Variants in GPC5 observed in about 807,000 individuals in gnomAD.
GPC5 encodes glypican-5.
In GPC5, 47 loss-of-function variants were observed where a neutral mutation model predicts 53.9. The observed-to-expected ratio is 0.87, with a 90% CI of 0.69 to 1.11. GPC5 has a LOEUF of 1.11. GPC5 is among the 50% of genes most tolerant of loss of function. GPC5 has a pLI of 0.00. For missense variants in GPC5, 748 were observed against 713.1 expected (o/e 1.05, Z -0.56); for synonymous variants, 286 against 263.3 (o/e 1.09, Z -0.84).
intron 5 of GPC5, among the ~76,000 whole-genome samples, chr13:91,853,669 G>A (rs779431553): frequency 2.6e-5 from 4 of 151,938 alleles, no homozygotes; most frequent in Non-Finnish European, 5.9e-5. Flanking sequence ...CATTCATGAA[G>A]TTGACTTTGA....
At chr13:92,019,598 T>C (rs1012055770) in intron 6 of GPC5, among the ~76,000 whole-genome samples, 1 of 152,078 alleles carries the variant, frequency 6.6e-6, no homozygotes, top group Non-Finnish European at 1.5e-5. Flanking sequence ...TGGTCTAAAA[T>C]GTCCACTAGA....
intron 1 of GPC5, among the ~76,000 whole-genome samples, chr13:91,400,793 G>C (rs1876883199): frequency 6.6e-6 from 1 of 152,244 alleles, no homozygotes; most frequent in African/African-American, 2.4e-5. Flanking sequence ...TTGATTGGGT[G>C]TTCATCTCTT....
intron 7 of GPC5, among the ~76,000 whole-genome samples, chr13:92,785,694 A>T (rs963253612): frequency 1.3e-5 from 2 of 152,214 alleles, no homozygotes; most frequent in African/African-American, 4.8e-5. Flanking sequence ...CTATGTATCC[A>T]GGACAGCGTC....
chr13:92,526,867 T>C (rs1399872710), intron 7 of GPC5, among the ~76,000 whole-genome samples: 1 of 151,638 alleles, frequency 6.6e-6, no homozygotes, highest in Admixed American at 6.6e-5. Flanking sequence ...AGTATAACCT[T>C]AAACTGTTAG....
chr13:92,085,598 A>C (rs1289453386), intron 6 of GPC5, among the ~76,000 whole-genome samples: 2 of 152,076 alleles, frequency 1.3e-5, no homozygotes, highest in East Asian at 3.9e-4. Context: ...TGTGCACTTT[A>C]TTTCTATTAT....
At chr13:91,545,299 G>A (rs9523358) in intron 2 of GPC5, among the ~76,000 whole-genome samples, 67,137 of 152,014 alleles carry the variant, frequency 0.44, 18,134 homozygotes, top group East Asian at 0.7. Flanking sequence ...TTTAAAATTC[G>A]TTATTGAGAA....
chr13:92,273,983 C>A (rs1027077773), intron 7 of GPC5, among the ~76,000 whole-genome samples: 2 of 152,136 alleles, frequency 1.3e-5, no homozygotes, highest in African/African-American at 2.4e-5. Flanking sequence ...CAAGAGTATG[C>A]TCTTTAATTG....
intron 5 of GPC5, among the ~76,000 whole-genome samples, chr13:91,798,591 T>C (rs1250870051): frequency 1.3e-5 from 2 of 152,214 alleles, no homozygotes; most frequent in East Asian, 1.9e-4. Context: ...CAGTCTATCA[T>C]TGATGGCCAT....
At chr13:92,113,788 A>G (rs1257448834) in intron 6 of GPC5, among the ~76,000 whole-genome samples, 4 of 152,096 alleles carry the variant, frequency 2.6e-5, no homozygotes, top group Non-Finnish European at 5.9e-5. Flanking sequence ...TGAGGAGACC[A>G]AAGTAAGACA....
At chr13:92,612,333 A>T (rs192413637) in intron 7 of GPC5, among the ~76,000 whole-genome samples, 326 of 152,238 alleles carry the variant, frequency 2.1e-3, no homozygotes, top group African/African-American at 7.1e-3. Context: ...TTCAGTCATT[A>T]TCATTAGTAT....
intron 7 of GPC5, among the ~76,000 whole-genome samples, chr13:92,663,057 G>A (rs1484177507): frequency 1.2e-4 from 19 of 152,114 alleles, no homozygotes; most frequent in Admixed American, 2.0e-4. Flanking sequence ...AGACATGCAA[G>A]CCAACAATTT....
At chr13:91,479,239 G>A (rs574671193) in intron 2 of GPC5, among the ~76,000 whole-genome samples, 39 of 152,014 alleles carry the variant, frequency 2.6e-4, no homozygotes, top group African/African-American at 8.7e-4. Context: ...CATTTATAAT[G>A]AAATTTTTAG....
chr13:91,996,624 T>C (rs904851516), intron 6 of GPC5: 3 of 152,226 alleles, frequency 2.0e-5, no homozygotes, highest in Admixed American at 2.0e-4. Flanking sequence ...ACTTAAGTCA[T>C]GAACTAGAAC....
At chr13:91,810,601 A>G (rs1338303661) in intron 5 of GPC5, among the ~76,000 whole-genome samples, 3 of 151,998 alleles carry the variant, frequency 2.0e-5, no homozygotes, top group African/African-American at 7.2e-5. Flanking sequence ...AAATAAAAAT[A>G]GAGTAAAAAT....
chr13:92,017,016 G>A (rs1244477430), intron 6 of GPC5, among the ~76,000 whole-genome samples: 2 of 152,148 alleles, frequency 1.3e-5, no homozygotes, highest in East Asian at 3.9e-4. Flanking sequence ...GCAGAGAGGG[G>A]AACAATGGCC....
In GPC5 at chr13:92,282,411, T is replaced by C. The variant is rs563775785; in HGVS notation, c.1561+137422T>C. Among the ~76,000 whole-genome samples, 58 of 152,062 alleles carry C rather than the reference T, an allele frequency of 3.8e-4. 1 individual carries two copies. Among genetic ancestry groups the C allele is most frequent in the Non-Finnish European group, 2.4e-4 (16 of 67,996 alleles). On this transcript the variant is annotated intron_variant, in intron 7 of 7. Transcript: ENST00000377067. ...AATACGGAGAACGCCACAAAGATACTCCTTGAGAAGAGCAACTCCAAGACA... is the reference window on the plus strand; with the variant it reads ...AATACGGAGAACGCCACAAAGATACCCCTTGAGAAGAGCAACTCCAAGACA...
At chr13:92,676,687 C>A (rs111619352) in intron 7 of GPC5, among the ~76,000 whole-genome samples, 32 of 152,214 alleles carry the variant, frequency 2.1e-4, no homozygotes, top group African/African-American at 7.0e-4. Context: ...GAGCCTACCC[C>A]ACGACTATTC....
chr13:92,493,770 GT>G (rs1879855382), intron 7 of GPC5, among the ~76,000 whole-genome samples: 1 of 152,132 alleles, frequency 6.6e-6, no homozygotes, highest in African/African-American at 2.4e-5. Context: ...AGATCCAGAC[GT>G]AGCGCTAGCA....
rs368453925 is a variant in GPC5 at position 91,416,454 on chromosome 13, T to TTTATTATTATTATTATTA, written c.163+17250_163+17267dup. The stretch of plus-strand genomic sequence containing the variant: ...ACTATACTTGAGAGAATCCATTTCT[T>TTTATTATTATTATTATTA]TTATTATTATTATTATTATTATACT... On this transcript the variant is annotated intron_variant, in intron 1 of 7. Transcript: ENST00000377067. 3.0e-3 allele frequency among the ~76,000 whole-genome samples: 460 copies of TTTATTATTATTATTATTA among 151,066 alleles called. 4 individuals carry two copies. Among genetic ancestry groups the TTTATTATTATTATTATTA allele is most frequent in the Middle Eastern group, 0.01 (3 of 294 alleles).
Sources: gnomAD v4.1 joint callset for allele counts (sites outside exome capture counted in the v4.1 genomes callset) on GRCh38, gnomAD v4.1.1 for gene constraint, MANE v1.5 for transcripts, NCBI Gene and HGNC (gene_info 2026-07-23, HGNC 2026-07-21) for gene names.